The following PRKD3 variants were observed in gnomAD, a reference collection of about 807,000 sequenced individuals.
PRKD3 encodes protein kinase D3.
A neutral mutation model predicts 99.2 loss-of-function variants in PRKD3; 47 were observed. The observed-to-expected ratio is 0.47, with a 90% confidence interval of 0.38 to 0.60. The LOEUF (loss-of-function observed/expected upper bound fraction) is 0.60. Among genes scored for constraint, PRKD3 ranks in the 20% least tolerant of loss-of-function variants. The probability of loss-of-function intolerance (pLI) is 0.00; values close to 1 mark genes in which losing one functional copy is unlikely to be tolerated. For missense variants in PRKD3, 1,019 were observed against 1,088.4 expected (o/e 0.94, Z 0.90); for synonymous variants, 392 against 355.4 (o/e 1.10, Z -1.16).
chr2:37,258,450 C>CCATG (rs1668151383), intron 16 of PRKD3, among the ~76,000 whole-genome samples: 1 of 152,130 alleles, frequency 6.6e-6, no homozygotes, highest in Non-Finnish European at 1.5e-5. Context: ...AGAAGTGGAG[C>CCATG]CATGGCTAAC....
intron 7 of PRKD3, chr2:37,282,319 A>T (rs1015524135): frequency 5.7e-6 from 3 of 523,154 alleles, no homozygotes; most frequent in African/African-American, 5.7e-5. Flanking sequence ...CACTGGCTAT[A>T]TTAGACTACA....
intron 2 of PRKD3, among the ~76,000 whole-genome samples, chr2:37,298,039 T>G (rs530427269): frequency 6.6e-6 from 1 of 152,200 alleles, no homozygotes; most frequent in Non-Finnish European, 1.5e-5. Context: ...TTTATCTATT[T>G]TCCCCCACTT....
chr2:37,320,370 A>C (rs1244822063), intron 1 of PRKD3, among the ~76,000 whole-genome samples: 1 of 151,620 alleles, frequency 6.6e-6, no homozygotes, highest in Non-Finnish European at 1.5e-5. Flanking sequence ...AAGATGAACT[A>C]CCAAAATAAA....
intron 11 of PRKD3, 73 bp from the exon 12 acceptor site, chr2:37,272,505 T>C (rs866362338): frequency 6.6e-6 from 10 of 1,505,752 alleles, no homozygotes; most frequent in Middle Eastern, 2.2e-4. Flanking sequence ...TGAATGCTCA[T>C]GGTATATCAA....
In PRKD3 at chr2:37,256,995, A is replaced by C; in HGVS notation, c.2146-66T>G. The C allele has an allele frequency of 2.0e-6, 3 of 1,515,498 alleles. No homozygotes were observed. The East Asian group carries it at 6.8e-5, about 34-fold the overall frequency. 93.9% of individuals were successfully genotyped at this position (1,515,498 alleles called of 1,614,324 possible). A position where few individuals can be genotyped will look rare whatever the true frequency, so the allele number is the denominator to read the frequency against. ...TATATATGTAACTACCTGTCCCTAAATATAACACTGTATGTATCATTTCAA... is the reference window on the plus strand; with the variant it reads ...TATATATGTAACTACCTGTCCCTAACTATAACACTGTATGTATCATTTCAA... On this transcript the variant is annotated intron_variant, in intron 16 of 18. Transcript: ENST00000234179.
intron 18 of PRKD3, 57 bp downstream of exon 18, chr2:37,254,147 A>G: frequency 7.6e-7 from 1 of 1,317,644 alleles, no homozygotes; most frequent in South Asian, 1.2e-5. Flanking sequence ...AGGTGGGACA[A>G]ATCAGAGTGA....
intron 6 of PRKD3, among the ~76,000 whole-genome samples, chr2:37,282,833 C>T (rs940651198): frequency 6.6e-6 from 1 of 152,110 alleles, no homozygotes; most frequent in Non-Finnish European, 1.5e-5. Context: ...ACAACACCGC[C>T]GAAATGTACT....
chr2:37,254,922 T>C (rs1179216749), intron 17 of PRKD3, among the ~76,000 whole-genome samples: 1 of 152,204 alleles, frequency 6.6e-6, no homozygotes, highest in East Asian at 1.9e-4. Context: ...TATTCACTTA[T>C]TTGGAGAATG....
intron 1 of PRKD3, among the ~76,000 whole-genome samples, chr2:37,320,423 CTTTTTTTTTTT>C (rs35158902): frequency 9.0e-5 from 7 of 78,162 alleles, no homozygotes; most frequent in African/African-American, 1.0e-4. Context: ...AAGTTAACGA[CTTTTTTTTTTT>C]TTTTTTTTTT....
chr2:37,290,816 TG>T, intron 4 of PRKD3, 51 bp downstream of exon 4: 1 of 1,502,882 alleles, frequency 6.7e-7, no homozygotes, highest in Non-Finnish European at 9.1e-7. Context: ...TAATAAAAAA[TG>T]CAAATGTGGA....
At position 37,316,554 on chromosome 2, in the gene PRKD3, G is replaced by C; in HGVS notation, c.-30C>G. The C allele has an allele frequency of 6.3e-7, 1 of 1,590,348 alleles. No homozygotes were observed. Among genetic ancestry groups the C allele is most frequent in the South Asian group, 1.1e-5 (1 of 87,308 alleles). On this transcript the variant is annotated 5_prime_UTR_variant, in exon 2 of 19. Transcript: ENST00000234179. ...CTTTCTTTAATCTTTTAAAATAGTT[G>C]TCGATTCTTTTTCAATGGTTATGAA...
In PRKD3 at chr2:37,290,902, G is replaced by T. The variant is rs10177176; in HGVS notation, c.525C>A (p.Leu175=). The T allele has an allele frequency of 1.5e-5, 24 of 1,605,190 alleles. No homozygotes were observed. The highest frequency in any genetic ancestry group is 2.0e-5 in the Non-Finnish European group (24 of 1,172,296). The change falls in exon 4 of 19, where the codon CTC becomes CTA. Residue 175 remains leucine (L), a synonymous_variant. Transcript: ENST00000234179. ...PTFCDYCGEM[L]WGLVRQGLKC... ...TCAGTCCTTGACGTACCAATCCCCA[G>T]AGCATCTCACCACAGTAATCACAGA...
intron 6 of PRKD3, among the ~76,000 whole-genome samples, chr2:37,285,734 G>A (rs946669053): frequency 1.6e-4 from 24 of 152,090 alleles, no homozygotes; most frequent in African/African-American, 5.6e-4. Flanking sequence ...CATCCTCAGA[G>A]ATCCACATTC....
At chr2:37,260,166 A>T in intron 15 of PRKD3, 57 bp downstream of exon 15, 2 of 1,392,194 alleles carry the variant, frequency 1.4e-6, no homozygotes, top group Non-Finnish European at 2.0e-6. Context: ...TCTTGTCTTA[A>T]AAAAAAAAAA....
intron 1 of PRKD3, among the ~76,000 whole-genome samples, chr2:37,322,528 T>C (rs1671930402): frequency 6.6e-6 from 1 of 152,232 alleles, no homozygotes; most frequent in South Asian, 2.1e-4. Context: ...AATAAGATTA[T>C]GGACTGCCAG....
intron 2 of PRKD3, among the ~76,000 whole-genome samples, chr2:37,303,856 A>C (rs916186828): frequency 1.3e-5 from 2 of 152,184 alleles, no homozygotes; most frequent in South Asian, 2.1e-4. Context: ...TAAATGCACT[A>C]ATCTTAATTA....
At chr2:37,315,396 A>G (rs1265207122) in intron 2 of PRKD3, among the ~76,000 whole-genome samples, 1 of 152,208 alleles carries the variant, frequency 6.6e-6, no homozygotes, top group African/African-American at 2.4e-5. Context: ...AAATTAATTT[A>G]CCTATTTTTT....
At position 37,316,949 on chromosome 2, in the gene PRKD3, T is replaced by G. The variant is rs1254197272; in HGVS notation, c.-425A>C. ...GAAATCCTCTTCGTTTAAAAAACAG[T>G]AAGTGTTTTGGATTAATCTATTCAG... On this transcript the variant is annotated 5_prime_UTR_variant, in exon 2 of 19. Transcript: ENST00000234179. The G allele has an allele frequency of 1.0e-6, 1 of 998,818 alleles. No homozygotes were observed. The highest frequency in any genetic ancestry group is 1.8e-5 in the African/African-American group (1 of 56,862). 61.9% of individuals were successfully genotyped at this position (998,818 alleles called of 1,614,324 possible).
chr2:37,281,704 C>T (rs1669865532), intron 7 of PRKD3, among the ~76,000 whole-genome samples: 1 of 152,116 alleles, frequency 6.6e-6, no homozygotes, highest in African/African-American at 2.4e-5. Flanking sequence ...GCAGCACAAA[C>T]AGACTAAGAC....
Sources: gnomAD v4.1 joint callset for allele counts (sites outside exome capture counted in the v4.1 genomes callset) on GRCh38, gnomAD v4.1.1 for gene constraint, MANE v1.5 for transcripts, NCBI Gene and HGNC (gene_info 2026-07-23, HGNC 2026-07-21) for gene names.